SACS: variants seen among roughly 807,000 people sequenced by gnomAD.
SACS encodes sacsin.
SACS carries 197 observed loss-of-function variants against 348.0 expected under a neutral mutation model. That is an observed-to-expected ratio of 0.57 (90% CI 0.50 to 0.64). The LOEUF (loss-of-function observed/expected upper bound fraction) is 0.64. Among genes scored for constraint, SACS ranks in the 30% least tolerant of loss-of-function variants. The pLI is 0.00. For missense variants in SACS, 4,999 were observed against 5,360.8 expected, an observed-to-expected ratio of 0.93 and a Z score of 2.11; for synonymous variants, 1,985 against 1,910.6, an observed-to-expected ratio of 1.04 and a Z score of -1.02.
rs1410692487 is a variant in SACS at position 23,355,542 on chromosome 13, C to T, written c.1070G>A (p.Ser357Asn). 2 of 1,613,990 alleles carry T rather than the reference C, an allele frequency of 1.2e-6. No homozygotes were observed. Among genetic ancestry groups the T allele is most frequent in the Non-Finnish European group, 1.7e-6 (2 of 1,180,028 alleles). Residue 357 changes from serine to asparagine, a missense_variant, in exon 8 of 10, where the codon AGT becomes AAT. Physicochemically the swap from Ser to Asn is conservative, Grantham distance 46. This residue lies in a region of SACS where 3,156 missense variants were observed against 3,380.1 expected (regional missense o/e 0.93). Transcript: ENST00000382292. ...GCTTGGAGTCTTTTTACAATAGTTACTTATAGCAGTTCCCAGAATCTTTAT... is the reference window on the plus strand; with the variant it reads ...GCTTGGAGTCTTTTTACAATAGTTATTTATAGCAGTTCCCAGAATCTTTAT... ...NSIKILGTAI[S>N]NYCKKTPSNN... is the part of the protein sequence containing the mutation.
intron 1 of SACS, among the ~76,000 whole-genome samples, chr13:23,415,548 G>A (rs767475590): frequency 1.8e-4 from 27 of 152,126 alleles, no homozygotes; most frequent in Admixed American, 3.9e-4. Context: ...TAAGGCAGCC[G>A]TTACCCAGAT....
chr13:23,381,436 G>GCA (rs374317173), intron 2 of SACS, among the ~76,000 whole-genome samples: 5 of 148,974 alleles, frequency 3.4e-5, no homozygotes, highest in African/African-American at 5.0e-5. Context: ...TGAAGCGCGC[G>GCA]CACACACACA....
intron 2 of SACS, among the ~76,000 whole-genome samples, chr13:23,405,492 G>C (rs1179562427): frequency 6.6e-6 from 1 of 152,160 alleles, no homozygotes; most frequent in Non-Finnish European, 1.5e-5. Context: ...ACATAGGCAT[G>C]GGCAAAGACT....
chr13:23,332,996 A>G lies in SACS; in HGVS notation c.10880T>C (p.Ile3627Thr). 6.2e-7 allele frequency: 1 copy of G among 1,613,938 alleles called. No homozygotes were observed. Among genetic ancestry groups the G allele is most frequent in the Admixed American group, 1.7e-5 (1 of 60,000 alleles). ...SKETLQNTVD[I>T]LLHHIFQERM... ...TTCTTGGAATATATGATGCAGAAGG[A>G]TATCAACTGTATTTTGCAATGTTTC... Residue 3627 changes from isoleucine (I) to threonine (T), a missense_variant, in exon 10 of 10, where the codon ATC (isoleucine) becomes ACC (threonine). Ile to Thr is a moderately conservative substitution (Grantham distance 89). Around this residue, in one of 6 missense-constraint regions of SACS, gnomAD observed 831 missense variants for 941.8 expected, o/e 0.88. Transcript: ENST00000382292.
chr13:23,378,880 T>C (rs1871925289), intron 2 of SACS, among the ~76,000 whole-genome samples: 1 of 152,192 alleles, frequency 6.6e-6, no homozygotes, highest in Non-Finnish European at 1.5e-5. Flanking sequence ...ACTTATCATA[T>C]AAACTTGTGA....
intron 2 of SACS, among the ~76,000 whole-genome samples, chr13:23,403,653 T>C (rs1000677070): frequency 6.6e-6 from 1 of 152,186 alleles, no homozygotes; most frequent in Non-Finnish European, 1.5e-5. Flanking sequence ...TCTTTATTAG[T>C]CTGGCTAGCG....
intron 2 of SACS, among the ~76,000 whole-genome samples, chr13:23,380,148 T>TGTGTGTGTGAGA (rs35527942): frequency 6.1e-5 from 9 of 147,672 alleles, no homozygotes; most frequent in African/African-American, 2.2e-4. Context: ...TGTGTGTGTG[T>TGTGTGTGTGAGA]GAGAGAGAGA....
intron 9 of SACS, among the ~76,000 whole-genome samples, chr13:23,343,794 C>T (rs9578584): frequency 0.027 from 4,083 of 152,246 alleles, 184 homozygotes; most frequent in African/African-American, 0.093. Context: ...AGAAAGCATA[C>T]CCTTTATTTC....
At chr13:23,379,617 T>A (rs569074505) in intron 2 of SACS, among the ~76,000 whole-genome samples, 6 of 152,296 alleles carry the variant, frequency 3.9e-5, no homozygotes, top group Non-Finnish European at 7.3e-5. Flanking sequence ...CCCAATTCTG[T>A]GGTGTTGAGT....
In SACS at chr13:23,339,744, G is replaced by T. The variant is rs976181139; in HGVS notation, c.4132C>A (p.Pro1378Thr). The T allele has an allele frequency of 6.2e-7, 1 of 1,614,166 alleles. No homozygotes were observed. Among genetic ancestry groups the T allele is most frequent in the Non-Finnish European group, 8.5e-7 (1 of 1,180,006 alleles). The change falls in exon 10 of 10, where the codon CCA becomes ACA. Residue 1378 changes from proline to threonine, a missense_variant. Around this residue, in one of 6 missense-constraint regions of SACS, gnomAD observed 3,156 missense variants for 3,380.1 expected, o/e 0.93. Coordinates refer to ENST00000382292, the MANE Select transcript of SACS (RefSeq NM_014363.6). ...TTTTTGCTATGATGTATAGGAACTG[G>T]TGTGTTGGGGCTTGCTGGAATCTGA... ...SNQIPASPNT[P>T]VPIHHSKNPS...
rs1423705128 is a variant in SACS, at chr13:23,337,472, G to A, written c.6404C>T (p.Ser2135Phe). The change falls in exon 10 of 10, where the codon TCT (serine) becomes TTT (phenylalanine). Residue 2135 changes from serine (S) to phenylalanine (F), a missense_variant. Physicochemically the swap from Ser to Phe is radical, Grantham distance 155. Transcript: ENST00000382292. ...AATAGGATTGAGATAATCCTGAGTA[G>A]AACCATAAGGGAATCTCCCATCTTT... ...DIKDGRFPYG[S>F]TQDYLNPIIL... 6.2e-7 allele frequency: 1 copy of A among 1,613,656 alleles called. No individual in the cohort carries two copies. The highest frequency in any genetic ancestry group is 1.3e-5 in the African/African-American group (1 of 74,960).
At position 23,365,204 on chromosome 13, in the gene SACS, G is replaced by A. The variant is rs888722036; in HGVS notation, c.419C>T (p.Thr140Ile). The change falls in exon 6 of 10, where the codon ACA becomes ATA. Residue 140 changes from threonine to isoleucine, a missense_variant. Transcript: ENST00000382292. ...CATATCTTTTGACCAAAGAGTCTCT[G>A]TTCCGTATTGAGTTTCATCATATAA... ...KFLYDETQYG[T>I]ETLWSKDMAP... is the part of the protein sequence containing the mutation. 1.2e-6 allele frequency: 2 copies of A among 1,612,694 alleles called. No homozygotes were observed. Among genetic ancestry groups the A allele is most frequent in the African/African-American group, 2.7e-5 (2 of 74,894 alleles).
intron 1 of SACS, among the ~76,000 whole-genome samples, chr13:23,416,335 A>G (rs1873691295): frequency 6.6e-6 from 1 of 152,134 alleles, no homozygotes; most frequent in South Asian, 2.1e-4. Context: ...AAAATAGGAA[A>G]TAAAGATGAG....
chr13:23,417,426 C>T (rs947967807), intron 1 of SACS, among the ~76,000 whole-genome samples: 3 of 152,122 alleles, frequency 2.0e-5, no homozygotes, highest in Non-Finnish European at 2.9e-5. Context: ...ATGTGGCATT[C>T]GCATGGGAAC....
intron 6 of SACS, among the ~76,000 whole-genome samples, chr13:23,364,632 A>C (rs530145927): frequency 2.0e-5 from 3 of 152,278 alleles, no homozygotes; most frequent in African/African-American, 7.2e-5. Context: ...AGCTCCCCGG[A>C]GTAGAAGTGA....
intron 9 of SACS, among the ~76,000 whole-genome samples, chr13:23,349,518 A>G (rs1167990119): frequency 1.3e-5 from 2 of 152,232 alleles, no homozygotes; most frequent in African/African-American, 4.8e-5. Context: ...TGTATTACGT[A>G]TTCATCATTC....
In SACS at chr13:23,335,614, C is replaced by G; in HGVS notation, c.8262G>C (p.Lys2754Asn). 2 of 1,613,850 alleles carry G rather than the reference C, an allele frequency of 1.2e-6. No homozygotes were observed. The highest frequency in any genetic ancestry group is 1.3e-5 in the African/African-American group (1 of 75,002). The change falls in exon 10 of 10, where the codon AAG becomes AAC. Residue 2754 changes from lysine (K) to asparagine (N), a missense_variant. This residue lies in a region of SACS where 3,156 missense variants were observed against 3,380.1 expected (regional missense o/e 0.93). Coordinates refer to ENST00000382292, the MANE Select transcript of SACS (RefSeq NM_014363.6). This position sits in a 1 kb window ranked among gnomAD's most constrained non-coding sequence, Gnocchi z 4.7. ...MEKISICEID[K>N]STGALNVLYS... ...ACAGCACATTTAGAGCTCCAGTACT[C>G]TTATCTATTTCACAAATAGAAATTT...
intron 2 of SACS, among the ~76,000 whole-genome samples, chr13:23,391,215 T>C (rs1315609489): frequency 6.6e-6 from 1 of 152,242 alleles, no homozygotes; most frequent in Non-Finnish European, 1.5e-5. Context: ...TTTTTCATGA[T>C]AAAATTCTTA....
chr13:23,341,524 T>C lies in SACS; in HGVS notation c.2352A>G (p.Lys784=), dbSNP rs2137644764. ...PSVSWLKMVW[K]NLYIHFSEDL... is the part of the protein sequence containing the mutation. ...CCTCTGAAAAATGTATATAAAGATT[T>C]TTCCAAACCATCTTAAGCCATGAAA... Residue 784 remains lysine, a synonymous_variant, in exon 10 of 10, where the codon AAA becomes AAG. Coordinates refer to ENST00000382292, the MANE Select transcript of SACS (RefSeq NM_014363.6). 1.2e-6 allele frequency: 2 copies of C among 1,614,100 alleles called. No homozygotes were observed. The highest frequency in any genetic ancestry group is 1.7e-6 in the Non-Finnish European group (2 of 1,180,004).
Sources: gnomAD v4.1 joint callset for allele counts (sites outside exome capture counted in the v4.1 genomes callset) on GRCh38, gnomAD v4.1.1 for gene constraint, gnomAD v4.1.1 regional missense constraint, Gnocchi (gnomAD v3.1) non-coding constraint, MANE v1.5 for transcripts, NCBI Gene and HGNC (gene_info 2026-07-23, HGNC 2026-07-21) for gene names.